The following FOCAD variants were observed in gnomAD, a reference collection of about 807,000 sequenced individuals.
FOCAD encodes the protein focadhesin.
Under a neutral mutation model 225.6 loss-of-function variants are expected in FOCAD, and 198 were observed. That is an observed-to-expected ratio of 0.88 (90% CI 0.78 to 0.99). FOCAD has a LOEUF of 0.99. Among genes scored for constraint, FOCAD ranks in the 50% least tolerant of loss-of-function variants. FOCAD has a pLI of 0.00. For synonymous variants in FOCAD, 897 were observed against 755.0 expected (o/e 1.19, Z -3.08); for missense variants, 2,713 against 2,123.6 (o/e 1.28, Z -5.46).
At chr9:20,800,556 C>T (rs1008368803) in intron 11 of FOCAD, among the ~76,000 whole-genome samples, 21 of 152,104 alleles carry the variant, frequency 1.4e-4, no homozygotes, top group Non-Finnish European at 2.6e-4. Context: ...TCTTTTCACT[C>T]TTTTTTCTCT....
At chr9:20,895,184 C>T (rs1013909905) in intron 21 of FOCAD, among the ~76,000 whole-genome samples, 8 of 151,934 alleles carry the variant, frequency 5.3e-5, no homozygotes, top group African/African-American at 1.9e-4. Context: ...CTATTTCTCT[C>T]GTCATTTGCT....
At chr9:20,836,068 G>T (rs1825967950) in intron 15 of FOCAD, among the ~76,000 whole-genome samples, 1 of 152,018 alleles carries the variant, frequency 6.6e-6, no homozygotes, top group African/African-American at 2.4e-5. Context: ...GAAGATAGTT[G>T]TCCCTGCCCT....
intron 1 of FOCAD, among the ~76,000 whole-genome samples, chr9:20,685,310 G>T (rs767017414): frequency 6.6e-6 from 1 of 151,820 alleles, no homozygotes; most frequent in African/African-American, 2.4e-5. Context: ...TGGCCTATCT[G>T]TAAGAAGAGG....
intron 4 of FOCAD, among the ~76,000 whole-genome samples, chr9:20,731,366 A>G (rs1480504836): frequency 6.6e-6 from 1 of 152,238 alleles, no homozygotes; most frequent in Non-Finnish European, 1.5e-5. Context: ...ATTTACAGTT[A>G]TCCTATTTGC....
At chr9:20,694,874 G>C (rs1041745643) in intron 1 of FOCAD, among the ~76,000 whole-genome samples, 3 of 152,098 alleles carry the variant, frequency 2.0e-5, no homozygotes, top group African/African-American at 7.2e-5. Context: ...CCATATTTCA[G>C]AATTTCTCAG....
chr9:20,945,675 C>T (rs1354574896), intron 29 of FOCAD, among the ~76,000 whole-genome samples: 3 of 152,086 alleles, frequency 2.0e-5, no homozygotes, highest in Non-Finnish European at 2.9e-5. Flanking sequence ...GTAAATCTTG[C>T]AACCTAGGAG....
At chr9:20,765,549 C>G (rs918676991) in intron 7 of FOCAD, among the ~76,000 whole-genome samples, 10 of 152,150 alleles carry the variant, frequency 6.6e-5, no homozygotes, top group African/African-American at 1.9e-4. Context: ...GCAACATATG[C>G]AGCAGCTCTC....
chr9:20,942,109 C>T (rs1480723222), intron 28 of FOCAD, among the ~76,000 whole-genome samples: 1 of 152,146 alleles, frequency 6.6e-6, no homozygotes, highest in Non-Finnish European at 1.5e-5. Flanking sequence ...TATGCCATAG[C>T]ATGTATATAC....
intron 28 of FOCAD, among the ~76,000 whole-genome samples, chr9:20,942,018 A>G (rs1468265471): frequency 6.6e-6 from 1 of 152,210 alleles, no homozygotes; most frequent in East Asian, 1.9e-4. Flanking sequence ...TCAGGAATAA[A>G]GTTTTAGGAC....
At position 20,890,814 on chromosome 9, in the gene FOCAD, G is replaced by T. The variant is rs147013802; in HGVS notation, c.2625+5584G>T. On this transcript the variant is annotated intron_variant, in intron 21 of 43. Coordinates refer to ENST00000338382, the MANE Select transcript of FOCAD (RefSeq NM_001375567.1). ...ATCTTGGCATGGAGTTTTCTTTATA[G>T]GACTGTTTGTAACTGTGAATTCCAT... is the stretch of plus-strand genomic sequence containing the variant. Among the ~76,000 whole-genome samples the T allele has an allele frequency of 3.5e-3, 538 of 152,020 alleles. 2 individuals carry two copies. The highest frequency in any genetic ancestry group is 0.012 in the African/African-American group (495 of 41,492).
intron 11 of FOCAD, among the ~76,000 whole-genome samples, chr9:20,809,470 A>G (rs1184178093): frequency 6.6e-6 from 1 of 152,138 alleles, no homozygotes; most frequent in Non-Finnish European, 1.5e-5. Flanking sequence ...TGATCAATCA[A>G]ATTAAAATAG....
intron 18 of FOCAD, 86 bp downstream of exon 18, chr9:20,867,098 G>C: frequency 1.3e-6 from 1 of 797,416 alleles, no homozygotes; most frequent in Non-Finnish European, 2.1e-6. Context: ...ATACTTACCT[G>C]ATGAATATAT....
intron 15 of FOCAD, among the ~76,000 whole-genome samples, chr9:20,845,558 C>T (rs1827016600): frequency 6.7e-6 from 1 of 150,272 alleles, no homozygotes; most frequent in Non-Finnish European, 1.5e-5. Context: ...CAATTTTTTA[C>T]TGTCATCTAC....
chr9:20,690,543 A>G (rs994751025), intron 1 of FOCAD, among the ~76,000 whole-genome samples: 8 of 152,114 alleles, frequency 5.3e-5, no homozygotes, highest in Admixed American at 1.3e-4. Context: ...TTACTTTTCT[A>G]AAAGTGACTT....
intron 2 of FOCAD, among the ~76,000 whole-genome samples, chr9:20,662,525 C>G (rs1369511438): frequency 2.0e-5 from 3 of 152,166 alleles, no homozygotes; most frequent in African/African-American, 7.2e-5. Flanking sequence ...GGGACTTTGT[C>G]CAGCCTGCAT....
chr9:20,894,655 GC>G (rs1404231189), intron 21 of FOCAD, among the ~76,000 whole-genome samples: 1 of 151,892 alleles, frequency 6.6e-6, no homozygotes, highest in Non-Finnish European at 1.5e-5. Context: ...TATTTCTTTG[GC>G]CCATTTTAAA....
At chr9:20,901,534 TTTG>T (rs1832564734) in intron 21 of FOCAD, among the ~76,000 whole-genome samples, 1 of 151,764 alleles carries the variant, frequency 6.6e-6, no homozygotes, top group South Asian at 2.1e-4. Context: ...AATAAGCATA[TTTG>T]TTAAGATCAC....
chr9:20,982,953 G>A (rs373263894), intron 39 of FOCAD, among the ~76,000 whole-genome samples: 42 of 152,330 alleles, frequency 2.8e-4, no homozygotes, highest in African/African-American at 7.7e-4. Flanking sequence ...TTGAATGGCA[G>A]TTTTGCATAC....
intron 15 of FOCAD, among the ~76,000 whole-genome samples, chr9:20,829,664 A>C (rs936536043): frequency 1.3e-5 from 2 of 152,132 alleles, no homozygotes; most frequent in Non-Finnish European, 2.9e-5. Context: ...AGATACTGGA[A>C]AGCACGAGCT....
Sources: allele counts gnomAD v4.1 joint callset (sites outside exome capture counted in the v4.1 genomes callset), GRCh38; gene constraint gnomAD v4.1.1; transcripts MANE v1.5; gene names NCBI Gene and HGNC (gene_info 2026-07-23, HGNC 2026-07-21).